Variants in ZNF746 observed in about 807,000 individuals in gnomAD.
The protein encoded by ZNF746 is parkin-interacting substrate.
A neutral mutation model predicts 41.0 loss-of-function variants in ZNF746; 13 were observed. The ratio of observed to expected loss-of-function variants is 0.32; its 90% CI spans 0.21 to 0.50. The LOEUF (loss-of-function observed/expected upper bound fraction) is 0.50. Ranked by LOEUF, ZNF746 falls within the 20% of genes least tolerant of loss-of-function variation. The pLI, the probability that ZNF746 is intolerant of heterozygous loss-of-function variation, is 0.98. For synonymous variants in ZNF746, 424 were observed against 396.2 expected, an observed-to-expected ratio of 1.07 and a Z score of -0.83; for missense variants, 811 against 922.9, an observed-to-expected ratio of 0.88 and a Z score of 1.57.
rs1221550457 is a variant in ZNF746, at chr7:149,474,005, C to T, written c.*379G>A. On this transcript the variant is annotated 3_prime_UTR_variant, in exon 7 of 7. Coordinates refer to ENST00000458143, the MANE Select transcript of ZNF746 (RefSeq NM_001394198.1). This position sits in a 1 kb window ranked among gnomAD's most constrained non-coding sequence, Gnocchi z 6.3. ...CCCAACTGGCCAACCTTCCAACACA[C>T]TATCAGACTCAGTGAGATAGTGACA... is the stretch of plus-strand genomic sequence containing the variant. 2.7e-5 allele frequency: 8 copies of T among 299,326 alleles called. No individual in the cohort carries two copies. The East Asian group carries it at 8.2e-4, about 31-fold the overall frequency. 18.5% of individuals were successfully genotyped at this position (299,326 alleles called of 1,614,324 possible). A position where few individuals can be genotyped will look rare whatever the true frequency, so the allele number is the denominator to read the frequency against.
intron 4 of ZNF746, among the ~76,000 whole-genome samples, chr7:149,479,115 A>C (rs1800410049): frequency 6.6e-6 from 1 of 151,788 alleles, no homozygotes; most frequent in African/African-American, 2.4e-5. Flanking sequence ...TAGGTAAAGA[A>C]ATAATGGTTG....
chr7:149,493,193 G>A (rs549645016), intron 3 of ZNF746, among the ~76,000 whole-genome samples: 1 of 152,272 alleles, frequency 6.6e-6, no homozygotes, highest in East Asian at 1.9e-4. Context: ...GGCATCTGGA[G>A]ATGCCCTGAG....
At chr7:149,479,227 C>A (rs1292087295) in intron 4 of ZNF746, among the ~76,000 whole-genome samples, 1 of 152,300 alleles carries the variant, frequency 6.6e-6, no homozygotes, top group East Asian at 1.9e-4. Context: ...AGACAACATT[C>A]ATGTGAAATG....
In ZNF746 at chr7:149,477,658, C is replaced by A. The variant is rs375984490; in HGVS notation, c.663G>T (p.Ala221=). Residue 221 remains alanine (A), a synonymous_variant, in exon 5 of 7, where the codon GCG becomes GCT. Transcript: ENST00000458143. ...LQEQQALGVE[A]WAAGQPDIGE... ...CAATATCTGGCTGCCCGGCTGCCCA[C>A]GCCTCCACGCCCAGGGCCTGCTGCT... 6.2e-7 allele frequency: 1 copy of A among 1,614,014 alleles called. No homozygotes were observed. Among genetic ancestry groups the A allele is most frequent in the Non-Finnish European group, 8.5e-7 (1 of 1,179,960 alleles).
In ZNF746 at chr7:149,474,213, T is replaced by C; in HGVS notation, c.*171A>G. 1.4e-6 allele frequency: 1 copy of C among 696,848 alleles called. No homozygotes were observed. Among genetic ancestry groups the C allele is most frequent in the Middle Eastern group, 4.1e-4 (1 of 2,446 alleles). 43.2% of individuals were successfully genotyped at this position (696,848 alleles called of 1,614,324 possible). On this transcript the variant is annotated 3_prime_UTR_variant, in exon 7 of 7. Transcript: ENST00000458143. The surrounding 1 kb of genome is among the most constrained non-coding windows in gnomAD (Gnocchi z 6.3). The stretch of plus-strand genomic sequence containing the variant: ...CAGAGAATTCTACTTGGTTTAGAGG[T>C]GGCAGCTGTCCTGGTGGATAGTTTC...
At chr7:149,485,794 C>T (rs569184367) in intron 4 of ZNF746, among the ~76,000 whole-genome samples, 62 of 151,554 alleles carry the variant, frequency 4.1e-4, no homozygotes, top group South Asian at 4.1e-4. Context: ...AATCCCAGCA[C>T]TTTGGGAGGC....
intron 4 of ZNF746, among the ~76,000 whole-genome samples, chr7:149,485,047 T>C (rs1800581326): frequency 6.6e-6 from 1 of 150,566 alleles, no homozygotes; most frequent in South Asian, 2.1e-4. Context: ...GCTCTTGTGA[T>C]AGGAGAAAAA....
At position 149,474,591 on chromosome 7, in the gene ZNF746, G is replaced by C. The variant is rs1422173857; in HGVS notation, c.1776C>G (p.Ile592Met). The C allele has an allele frequency of 6.2e-7, 1 of 1,612,564 alleles. No homozygotes were observed. Among genetic ancestry groups the C allele is most frequent in the Admixed American group, 1.7e-5 (1 of 59,878 alleles). Residue 592 changes from isoleucine to methionine, a missense_variant, in exon 7 of 7, where the codon ATC becomes ATG. Physicochemically the swap from Ile to Met is conservative, Grantham distance 10 (BLOSUM62 1). Transcript: ENST00000458143. The surrounding 1 kb of genome is among the most constrained non-coding windows in gnomAD (Gnocchi z 6.3). ...GGTGCTTGCGGAGGTGGTCCTTGCG[G>C]ATGAAGCTTTTGCCGCAGACGGTGC... ...FTCTVCGKSF[I>M]RKDHLRKHQR...
chr7:149,479,331 A>C (rs1188065908), intron 4 of ZNF746, among the ~76,000 whole-genome samples: 1 of 152,236 alleles, frequency 6.6e-6, no homozygotes, highest in Admixed American at 6.5e-5. Flanking sequence ...AGCAACTAGG[A>C]TATCAGAAGA....
intron 4 of ZNF746, among the ~76,000 whole-genome samples, chr7:149,483,601 G>A (rs150379312): frequency 0.012 from 1,872 of 151,250 alleles, 37 homozygotes; most frequent in African/African-American, 0.044. Context: ...GCGAGACTCC[G>A]TGTAAAAAAA....
chr7:149,477,974 G>C (rs971826969), intron 4 of ZNF746: 3 of 443,394 alleles, frequency 6.8e-6, no homozygotes, highest in Admixed American at 3.8e-5. Context: ...AGGCTGAGGC[G>C]GGGGAGGGGA....
intron 4 of ZNF746, among the ~76,000 whole-genome samples, chr7:149,483,884 G>C (rs1800550805): frequency 6.6e-6 from 1 of 152,124 alleles, no homozygotes; most frequent in African/African-American, 2.4e-5. Context: ...ATGAAAAAGG[G>C]AACATAATGA....
chr7:149,485,872 C>T (rs2116662926), intron 4 of ZNF746, among the ~76,000 whole-genome samples: 1 of 152,020 alleles, frequency 6.6e-6, no homozygotes, highest in Admixed American at 6.5e-5. Flanking sequence ...AACACTGTCT[C>T]TACTAAAAAT....
intron 1 of ZNF746, among the ~76,000 whole-genome samples, chr7:149,496,169 G>T (rs1406094736): frequency 6.6e-6 from 1 of 152,218 alleles, no homozygotes; most frequent in Non-Finnish European, 1.5e-5. Flanking sequence ...TGGCATGAAA[G>T]GGACCTCTGC....
rs1467833261 is a variant in ZNF746, at chr7:149,474,504, G to A, written c.1863C>T (p.Pro621=). The change falls in exon 7 of 7, where the codon CCC becomes CCT. Residue 621 remains proline, a synonymous_variant. Coordinates refer to ENST00000458143, the MANE Select transcript of ZNF746 (RefSeq NM_001394198.1). This position sits in a 1 kb window ranked among gnomAD's most constrained non-coding sequence, Gnocchi z 6.3. ...PARGQPLPTP[P]APPDPFKSPA... The stretch of plus-strand genomic sequence containing the variant: ...GGCTCTTGAAGGGATCAGGAGGTGC[G>A]GGCGGCGTCGGGAGTGGCTGGCCTC... 3.7e-6 allele frequency: 6 copies of A among 1,609,216 alleles called. No individual in the cohort carries two copies. Among genetic ancestry groups the A allele is most frequent in the East Asian group, 2.2e-5 (1 of 44,668 alleles).
chr7:149,486,330 TC>T (rs1456456006), intron 4 of ZNF746, among the ~76,000 whole-genome samples: 1 of 151,914 alleles, frequency 6.6e-6, no homozygotes, highest in Non-Finnish European at 1.5e-5. Context: ...ACATGTCTTT[TC>T]TTTCCTATGA....
intron 4 of ZNF746, chr7:149,491,067 G>T (rs1172589548): frequency 6.5e-6 from 1 of 152,698 alleles, no homozygotes. Flanking sequence ...TGTGCAGGAG[G>T]TGAGGAGAAG....
In ZNF746 at chr7:149,474,536, G is replaced by A; in HGVS notation, c.1831C>T (p.Pro611Ser). 6.2e-7 allele frequency: 1 copy of A among 1,607,694 alleles called. No individual in the cohort carries two copies. Among genetic ancestry groups the A allele is most frequent in the Admixed American group, 1.7e-5 (1 of 58,844 alleles). Residue 611 changes from proline (P) to serine (S), a missense_variant, in exon 7 of 7, where the codon CCG becomes TCG. Pro to Ser is a moderately conservative substitution (Grantham distance 74). Around this residue, in one of 4 missense-constraint regions of ZNF746, gnomAD observed 99 missense variants for 80.3 expected, o/e 1.23. Coordinates refer to ENST00000458143, the MANE Select transcript of ZNF746 (RefSeq NM_001394198.1). This position sits in a 1 kb window ranked among gnomAD's most constrained non-coding sequence, Gnocchi z 6.3. ...GTCGGGAGTGGCTGGCCTCGGGCCG[G>A]GGTCTTGGCGCCCGCTGCATGGTTG... The part of the protein sequence containing the change: ...QRNHAAGAKT[P>S]ARGQPLPTPP...
intron 1 of ZNF746, among the ~76,000 whole-genome samples, chr7:149,496,225 C>G (rs1800991380): frequency 6.6e-6 from 1 of 152,202 alleles, no homozygotes; most frequent in Non-Finnish European, 1.5e-5. Context: ...TCATGGACAA[C>G]AAGGTGCATG....
Sources: allele counts gnomAD v4.1 joint callset (sites outside exome capture counted in the v4.1 genomes callset), GRCh38; gene constraint gnomAD v4.1.1; regional missense constraint gnomAD v4.1.1; non-coding constraint Gnocchi (gnomAD v3.1); transcripts MANE v1.5; gene names NCBI Gene and HGNC (gene_info 2026-07-23, HGNC 2026-07-21).